The following CCDC134 variants were observed in gnomAD, a reference collection of about 807,000 sequenced individuals.
The protein encoded by CCDC134 is coiled-coil domain-containing protein 134.
CCDC134 carries 27 observed loss-of-function variants against 25.6 expected under a neutral mutation model. The observed-to-expected ratio is 1.05, with a 90% CI of 0.78 to 1.45. The LOEUF is 1.45. CCDC134 is among the 40% of genes most tolerant of loss of function. The pLI is 0.00. For synonymous variants in CCDC134, 110 were observed against 115.0 expected (o/e 0.96, Z 0.28); for missense variants, 261 against 286.7 (o/e 0.91, Z 0.65).
intron 6 of CCDC134, among the ~76,000 whole-genome samples, chr22:41,820,573 C>G (rs898246502): frequency 5.9e-5 from 9 of 152,246 alleles, no homozygotes; most frequent in Admixed American, 1.3e-4. Flanking sequence ...TTGAACCAGA[C>G]GATGACAGTG....
chr22:41,816,729 C>G (rs2076624444), intron 6 of CCDC134, among the ~76,000 whole-genome samples: 1 of 152,120 alleles, frequency 6.6e-6, no homozygotes, highest in Non-Finnish European at 1.5e-5. Context: ...ACTATCCTGG[C>G]CAACATGGTG....
intron 6 of CCDC134, among the ~76,000 whole-genome samples, chr22:41,821,498 G>C (rs552084470): frequency 4.9e-5 from 7 of 143,734 alleles, no homozygotes; most frequent in Admixed American, 3.0e-4. Flanking sequence ...AGAGTGTGAT[G>C]TTCCCCTTCC....
intron 6 of CCDC134, among the ~76,000 whole-genome samples, chr22:41,824,660 T>C (rs1326535558): frequency 6.6e-6 from 1 of 152,106 alleles, no homozygotes; most frequent in African/African-American, 2.4e-5. Context: ...CTTGGGAGGC[T>C]GAGGCAGGAG....
chr22:41,824,873 A>G (rs1397124205), intron 6 of CCDC134, among the ~76,000 whole-genome samples: 1 of 152,120 alleles, frequency 6.6e-6, no homozygotes, highest in African/African-American at 2.4e-5. Flanking sequence ...CAGCAGAGAG[A>G]TGGGGGTGGT....
In CCDC134 at chr22:41,813,403, A is replaced by G. The variant is rs756465884; in HGVS notation, c.450A>G (p.Thr150=). The change falls in exon 5 of 7, where the codon ACA becomes ACG. Residue 150 remains threonine (T), a synonymous_variant. Transcript: ENST00000255784. ...GGGGTATCAGTTTCTGCAACCAGAC[A>G]GGCGTCTTCAACCAGGGGCCCCACT... The part of the protein sequence containing the change: ...IRWGISFCNQ[T]GVFNQGPHSP... 59 of 1,614,078 alleles carry G rather than the reference A, an allele frequency of 3.7e-5. No homozygotes were observed. Among genetic ancestry groups the G allele is most frequent in the African/African-American group, 5.3e-5 (4 of 74,922 alleles).
In CCDC134 at chr22:41,830,888, T is replaced by TC. The variant is rs1013493550; in HGVS notation, c.*5065_*5066insC. Among the ~76,000 whole-genome samples the TC allele has an allele frequency of 5.1e-5, 4 of 77,744 alleles. No individual in the cohort carries two copies. Among genetic ancestry groups the TC allele is most frequent in the Admixed American group, 1.1e-4 (1 of 8,836 alleles). The allele number at this position is 77,744 out of a possible 152,430, so 51.0% of individuals were successfully genotyped here. ...CCTTATTTTTTCTTTTCTTTTCTTT[T>TC]TTTTTTTTTTTTTTTTTTGAGACGC... On this transcript the variant is annotated 3_prime_UTR_variant, in exon 7 of 7. Coordinates refer to ENST00000255784, the MANE Select transcript of CCDC134 (RefSeq NM_024821.5).
intron 3 of CCDC134, 92 bp from the exon 4 acceptor site, chr22:41,810,115 G>A (rs1023734565): frequency 5.0e-6 from 8 of 1,590,158 alleles, no homozygotes; most frequent in South Asian, 1.1e-5. Context: ...CTGCGCACAC[G>A]TAAGACTTGA....
At chr22:41,801,842 C>T (rs2076545194) in intron 1 of CCDC134, among the ~76,000 whole-genome samples, 1 of 152,114 alleles carries the variant, frequency 6.6e-6, no homozygotes, top group South Asian at 2.1e-4. Context: ...ATTGTAGTGA[C>T]AATATGTGTG....
At position 41,825,689 on chromosome 22, in the gene CCDC134, TC is replaced by T. The variant is rs1406696576; in HGVS notation, c.565-6del. 2 of 1,613,832 alleles carry T rather than the reference TC, an allele frequency of 1.2e-6. No individual in the cohort carries two copies. The highest frequency in any genetic ancestry group is 2.2e-5 in the South Asian group (2 of 91,080). ...AGACTAAATCAGACTGCTCTTCTCT[TC>T]CCTTCAGTTCATTCCCAGCACTGAC... On this transcript the variant is annotated splice_polypyrimidine_tract_variant and splice_region_variant and intron_variant, in intron 6 of 6. Coordinates refer to ENST00000255784, the MANE Select transcript of CCDC134 (RefSeq NM_024821.5). The surrounding 1 kb of genome is among the most constrained non-coding windows in gnomAD (Gnocchi z 4.4).
intron 4 of CCDC134, among the ~76,000 whole-genome samples, chr22:41,812,054 G>A (rs1010077414): frequency 1.3e-5 from 2 of 152,112 alleles, no homozygotes; most frequent in African/African-American, 4.8e-5. Flanking sequence ...TTCAAATTAA[G>A]TCTGTTAGGT....
At chr22:41,809,047 GTTC>G in intron 2 of CCDC134, 54 bp downstream of exon 2, 3 of 1,429,166 alleles carry the variant, frequency 2.1e-6, no homozygotes, top group South Asian at 2.4e-5. Context: ...TATAAATGAG[GTTC>G]TTCTACTCAG....
At chr22:41,820,000 A>ATATATTTTTTT (rs2076642804) in intron 6 of CCDC134, among the ~76,000 whole-genome samples, 1 of 67,670 alleles carries the variant, frequency 1.5e-5, no homozygotes. Flanking sequence ...TATATATATA[A>ATATATTTTTTT]TTTTTTTTTT....
At chr22:41,805,843 AG>A (rs2076565112) in intron 1 of CCDC134, among the ~76,000 whole-genome samples, 1 of 152,228 alleles carries the variant, frequency 6.6e-6, no homozygotes. Context: ...ATGTTGAGGT[AG>A]GAGGCTTGTT....
intron 1 of CCDC134, among the ~76,000 whole-genome samples, chr22:41,808,084 C>G (rs774472703): frequency 6.6e-6 from 1 of 151,648 alleles, no homozygotes; most frequent in South Asian, 2.1e-4. Context: ...CGCTTGAACC[C>G]GGGAGGTGGA....
chr22:41,805,798 A>ATGGTGAC (rs2076564971), intron 1 of CCDC134, among the ~76,000 whole-genome samples: 2 of 152,174 alleles, frequency 1.3e-5, no homozygotes, highest in African/African-American at 4.8e-5. Context: ...ATAGCTGGGC[A>ATGGTGAC]TGGTGACATG....
At chr22:41,814,632 AG>A (rs200990259) in intron 6 of CCDC134, among the ~76,000 whole-genome samples, 1 of 150,318 alleles carries the variant, frequency 6.7e-6, no homozygotes, top group Non-Finnish European at 1.5e-5. Context: ...CAGGGCTAGG[AG>A]GGGCAGGAAG....
intron 1 of CCDC134, among the ~76,000 whole-genome samples, chr22:41,801,971 A>C (rs777854349): frequency 1.3e-5 from 2 of 152,222 alleles, no homozygotes; most frequent in Non-Finnish European, 2.9e-5. Context: ...GATGAATAGC[A>C]AGAGTGGTGC....
intron 1 of CCDC134, among the ~76,000 whole-genome samples, chr22:41,806,974 G>A (rs1035038437): frequency 4.6e-5 from 7 of 152,138 alleles, no homozygotes; most frequent in Non-Finnish European, 8.8e-5. Flanking sequence ...CTTGAACCCA[G>A]GAAGCGGAGG....
intron 1 of CCDC134, among the ~76,000 whole-genome samples, chr22:41,808,427 A>T (rs2076578662): frequency 1.3e-5 from 2 of 151,798 alleles, no homozygotes; most frequent in South Asian, 4.1e-4. Flanking sequence ...AGGATAGGGG[A>T]TGTGGAAGGA....
Sources: gnomAD v4.1 joint callset for allele counts (sites outside exome capture counted in the v4.1 genomes callset) on GRCh38, gnomAD v4.1.1 for gene constraint, Gnocchi (gnomAD v3.1) non-coding constraint, MANE v1.5 for transcripts, NCBI Gene and HGNC (gene_info 2026-07-23, HGNC 2026-07-21) for gene names.